WDR70: variants seen among roughly 807,000 people sequenced by gnomAD.
The protein encoded by WDR70 is WD repeat-containing protein 70.
Under a neutral mutation model 88.6 loss-of-function variants are expected in WDR70, and 53 were observed. The ratio of observed to expected loss-of-function variants is 0.60; its 90% CI spans 0.48 to 0.75. WDR70 has a LOEUF of 0.75. Among genes scored for constraint, WDR70 ranks in the 30% least tolerant of loss-of-function variants. WDR70 has a pLI of 0.00. For missense variants in WDR70, 610 were observed against 823.2 expected (o/e 0.74, Z 3.17); for synonymous variants, 280 against 270.0 (o/e 1.04, Z -0.36).
At chr5:37,561,359 A>C (rs935518306) in intron 9 of WDR70, among the ~76,000 whole-genome samples, 1 of 152,220 alleles carries the variant, frequency 6.6e-6, no homozygotes, top group Non-Finnish European at 1.5e-5. Flanking sequence ...TCAGTCTATA[A>C]ATCCATATTT....
At chr5:37,607,883 T>A (rs1744076031) in intron 10 of WDR70, among the ~76,000 whole-genome samples, 1 of 152,082 alleles carries the variant, frequency 6.6e-6, no homozygotes, top group African/African-American at 2.4e-5. Context: ...ATTCTCTACT[T>A]CCCATTCACC....
At chr5:37,628,429 A>G (rs1452185412) in intron 10 of WDR70, among the ~76,000 whole-genome samples, 1 of 152,178 alleles carries the variant, frequency 6.6e-6, no homozygotes, top group Non-Finnish European at 1.5e-5. Context: ...CAATTGTTAT[A>G]TTCTCTTGCT....
chr5:37,470,712 T>C (rs912832667), intron 7 of WDR70, among the ~76,000 whole-genome samples: 1 of 152,202 alleles, frequency 6.6e-6, no homozygotes, highest in Non-Finnish European at 1.5e-5. Flanking sequence ...TCTACTTAGC[T>C]ATTTTCTGCC....
chr5:37,634,348 G>A (rs1339318209), intron 10 of WDR70, among the ~76,000 whole-genome samples: 1 of 150,656 alleles, frequency 6.6e-6, no homozygotes, highest in Non-Finnish European at 1.5e-5. Flanking sequence ...TGCATATTTT[G>A]TGTTTCCTAA....
intron 3 of WDR70, among the ~76,000 whole-genome samples, chr5:37,389,661 C>CT (rs1278548001): frequency 1.3e-5 from 2 of 152,290 alleles, no homozygotes; most frequent in East Asian, 3.9e-4. Flanking sequence ...ATCCGCCTGC[C>CT]TGGGCCTCCC....
At chr5:37,732,617 T>C (rs1748179378) in intron 17 of WDR70, among the ~76,000 whole-genome samples, 1 of 152,128 alleles carries the variant, frequency 6.6e-6, no homozygotes, top group Non-Finnish European at 1.5e-5. Context: ...CGAGAAAAGA[T>C]GCTAAAAGGA....
chr5:37,632,665 GT>G (rs1744849596), intron 10 of WDR70, among the ~76,000 whole-genome samples: 2 of 152,138 alleles, frequency 1.3e-5, no homozygotes, highest in African/African-American at 2.4e-5. Flanking sequence ...TGTTTTATGT[GT>G]TATTATAAAA....
At chr5:37,617,743 C>A (rs920736453) in intron 10 of WDR70, among the ~76,000 whole-genome samples, 3 of 152,192 alleles carry the variant, frequency 2.0e-5, no homozygotes, top group Non-Finnish European at 4.4e-5. Context: ...TTTACCTGCA[C>A]TGTAGATACT....
intron 8 of WDR70, among the ~76,000 whole-genome samples, chr5:37,487,688 C>T (rs1339840676): frequency 4.3e-5 from 6 of 140,956 alleles, no homozygotes; most frequent in Admixed American, 2.2e-4. Context: ...TGCAGTGGTG[C>T]GATCTCAGCT....
intron 15 of WDR70, 132 bp from the exon 16 acceptor site, chr5:37,724,802 C>A: frequency 1.1e-6 from 1 of 925,424 alleles, no homozygotes; most frequent in Non-Finnish European, 1.7e-6. Context: ...TACAGTAAGA[C>A]TGTCTTTTAT....
chr5:37,511,565 A>G (rs1740723096), intron 8 of WDR70, among the ~76,000 whole-genome samples: 1 of 152,174 alleles, frequency 6.6e-6, no homozygotes, highest in Non-Finnish European at 1.5e-5. Flanking sequence ...GTTAGAGACC[A>G]GGATCTCTGT....
chr5:37,493,406 A>C (rs193235685), intron 8 of WDR70, among the ~76,000 whole-genome samples: 1 of 152,248 alleles, frequency 6.6e-6, no homozygotes, highest in Admixed American at 6.5e-5. Context: ...TGGAGATTGC[A>C]CATAGGGTCT....
At chr5:37,487,623 A>ATTTTT (rs1303879846) in intron 8 of WDR70, among the ~76,000 whole-genome samples, 1 of 18,568 alleles carries the variant, frequency 5.4e-5, no homozygotes, top group African/African-American at 1.1e-4. Flanking sequence ...ATATATATAT[A>ATTTTT]TGTATTTTTT....
chr5:37,504,007 T>G (rs1353402523), intron 8 of WDR70, among the ~76,000 whole-genome samples: 1 of 152,200 alleles, frequency 6.6e-6, no homozygotes, highest in African/African-American at 2.4e-5. Context: ...TGAGAGCTTT[T>G]TACCAAACAC....
intron 10 of WDR70, among the ~76,000 whole-genome samples, chr5:37,690,398 A>G (rs1356826305): frequency 1.3e-5 from 2 of 152,174 alleles, no homozygotes; most frequent in South Asian, 2.1e-4. Flanking sequence ...ACCCCAAGAC[A>G]CATAATTGTC....
intron 10 of WDR70, among the ~76,000 whole-genome samples, chr5:37,682,407 G>A (rs943370314): frequency 6.6e-6 from 1 of 151,512 alleles, no homozygotes; most frequent in Non-Finnish European, 1.5e-5. Context: ...TGGTTTTTTT[G>A]TGTGCCTCAA....
chr5:37,727,475 C>T (rs1748007692), intron 17 of WDR70, among the ~76,000 whole-genome samples: 1 of 152,184 alleles, frequency 6.6e-6, no homozygotes, highest in African/African-American at 2.4e-5. Context: ...CGTATTCCCT[C>T]AGACAGCTTA....
chr5:37,688,725 C>G (rs1298714871), intron 10 of WDR70, among the ~76,000 whole-genome samples: 4 of 101,210 alleles, frequency 4.0e-5, no homozygotes, highest in Non-Finnish European at 9.4e-5. Context: ...TCCAAGATGG[C>G]CAAATAGGAA....
At position 37,636,216 on chromosome 5, in the gene WDR70, C is replaced by T. The variant is rs535462937; in HGVS notation, c.1092+30978C>T. ...CTAACTGGGAGGAGCTCCCTATGACCGAATCAGGGGCAAGTCTGTGAACTA... is the reference window on the plus strand; with the variant it reads ...CTAACTGGGAGGAGCTCCCTATGACTGAATCAGGGGCAAGTCTGTGAACTA... On this transcript the variant is annotated intron_variant, in intron 10 of 17. Coordinates refer to ENST00000265107, the MANE Select transcript of WDR70 (RefSeq NM_018034.4). 7.5e-5 allele frequency among the ~76,000 whole-genome samples: 9 copies of T among 120,264 alleles called. No individual in the cohort carries two copies. The South Asian group carries it at 7.8e-4, about 10-fold the overall frequency. The allele number at this position is 120,264 out of a possible 152,430, so 78.9% of individuals were successfully genotyped here.
Sources: allele counts gnomAD v4.1 joint callset (sites outside exome capture counted in the v4.1 genomes callset), GRCh38; gene constraint gnomAD v4.1.1; transcripts MANE v1.5; gene names NCBI Gene and HGNC (gene_info 2026-07-23, HGNC 2026-07-21).